LRP12: variants seen among roughly 807,000 people sequenced by gnomAD.
The protein encoded by LRP12 is LDL receptor related protein 12.
Under a neutral mutation model 66.0 loss-of-function variants are expected in LRP12, and 14 were observed. The ratio of observed to expected loss-of-function variants is 0.21; its 90% CI spans 0.14 to 0.33. The LOEUF is 0.33. LRP12 is among the 10% of genes least tolerant of loss of function. The pLI, the probability that LRP12 is intolerant of heterozygous loss-of-function variation, is 1.00. For synonymous variants in LRP12, 357 were observed against 359.1 expected, an observed-to-expected ratio of 0.99 and a Z score of 0.07; for missense variants, 889 against 1,053.4, an observed-to-expected ratio of 0.84 and a Z score of 2.16.
rs544858622 is a variant in LRP12, at chr8:104,532,696, C to T, written c.80-733G>A. On this transcript the variant is annotated intron_variant, in intron 1 of 6. Transcript: ENST00000276654. ...AGAAGGCAAAAGCAGAATTTTCTTT[C>T]ATGGTTGAGAGTGGAGAAAATAGCA... is the stretch of plus-strand genomic sequence containing the variant. Among the ~76,000 whole-genome samples, 26 of 152,220 alleles carry T rather than the reference C, an allele frequency of 1.7e-4. No individual in the cohort carries two copies. In the East Asian group the frequency reaches 4.4e-3, roughly 26 times the overall value.
At position 104,529,271 on chromosome 8, in the gene LRP12, G is replaced by T. The variant is rs1423874105; in HGVS notation, c.136+2636C>A. ...CACCCATTTATAAGCCAAAGAAAAAGAACTCAGAAGAAACCAACCCTGCTG... is the reference window on the plus strand; with the variant it reads ...CACCCATTTATAAGCCAAAGAAAAATAACTCAGAAGAAACCAACCCTGCTG... On this transcript the variant is annotated intron_variant, in intron 2 of 6. Transcript: ENST00000276654. Among the ~76,000 whole-genome samples the T allele has an allele frequency of 4.6e-5, 7 of 152,138 alleles. No homozygotes were observed. In the South Asian group the frequency reaches 1.2e-3, roughly 27 times the overall value.
At chr8:104,555,749 G>C (rs1027689377) in intron 1 of LRP12, among the ~76,000 whole-genome samples, 1 of 151,988 alleles carries the variant, frequency 6.6e-6, no homozygotes, top group African/African-American at 2.4e-5. Flanking sequence ...CACTAGATAG[G>C]TCATCAAGAC....
In LRP12 at chr8:104,490,614, C is replaced by A; in HGVS notation, c.*59G>T. On this transcript the variant is annotated 3_prime_UTR_variant, in exon 7 of 7. Coordinates refer to ENST00000276654, the MANE Select transcript of LRP12 (RefSeq NM_013437.5). ...TAAAACTAGTTTAACTGTAAAGTTA[C>A]AAAATAATAAATGGATATTGCTCCA... 7.9e-6 allele frequency: 12 copies of A among 1,509,962 alleles called. No homozygotes were observed. The highest frequency in any genetic ancestry group is 1.1e-5 in the Non-Finnish European group (12 of 1,130,130). The allele number at this position is 1,509,962 out of a possible 1,614,324, so 93.5% of individuals were successfully genotyped here.
In LRP12 at chr8:104,497,584, T is replaced by C; in HGVS notation, c.968A>G (p.Glu323Gly). 6.2e-7 allele frequency: 1 copy of C among 1,613,492 alleles called. No homozygotes were observed. Among genetic ancestry groups the C allele is most frequent in the Non-Finnish European group, 8.5e-7 (1 of 1,179,738 alleles). Residue 323 changes from glutamate (E) to glycine (G), a missense_variant, in exon 5 of 7, where the codon GAG becomes GGG. Glu to Gly is a moderately conservative substitution (Grantham distance 98, BLOSUM62 -2). Around this residue, in one of 3 missense-constraint regions of LRP12, gnomAD observed 800 missense variants for 964.5 expected, o/e 0.83. Transcript: ENST00000276654. This position sits in a 1 kb window ranked among gnomAD's most constrained non-coding sequence, Gnocchi z 4.3. The stretch of plus-strand genomic sequence containing the variant: ...CACACGCAAAAGCTTGTGTGGATTC[T>C]CCTCTAATCCATCATATATTTTGAC... ...DYVKIYDGLE[E>G]NPHKLLRVLT...
intron 5 of LRP12, chr8:104,495,561 T>A (rs1810710342): frequency 6.1e-6 from 1 of 163,844 alleles, no homozygotes; most frequent in South Asian, 1.9e-4. Flanking sequence ...CCAGCTGGGA[T>A]CTTTGACTCT....
chr8:104,504,620 T>C (rs1056743892), intron 3 of LRP12: 12 of 152,226 alleles, frequency 7.9e-5, no homozygotes, highest in South Asian at 6.2e-4. Context: ...TTTAATTGCA[T>C]TGTGGTAAGA....
intron 1 of LRP12, among the ~76,000 whole-genome samples, chr8:104,581,723 G>A (rs1812251572): frequency 6.6e-6 from 1 of 152,062 alleles, no homozygotes; most frequent in South Asian, 2.1e-4. Context: ...ACTAGTTGGT[G>A]GCTGTTACAA....
chr8:104,491,251 A>T lies in LRP12; in HGVS notation c.2002T>A (p.Ser668Thr). 1.2e-6 allele frequency: 2 copies of T among 1,613,974 alleles called. No individual in the cohort carries two copies. Among genetic ancestry groups the T allele is most frequent in the Non-Finnish European group, 1.7e-6 (2 of 1,179,990 alleles). Residue 668 changes from serine to threonine, a missense_variant, in exon 7 of 7, where the codon TCT becomes ACT. Physicochemically the swap from Ser to Thr is moderately conservative, Grantham distance 58. Around this residue, in one of 3 missense-constraint regions of LRP12, gnomAD observed 800 missense variants for 964.5 expected, o/e 0.83. Coordinates refer to ENST00000276654, the MANE Select transcript of LRP12 (RefSeq NM_013437.5). The stretch of plus-strand genomic sequence containing the variant: ...GGCAAAGGAGCTGCAACCCCACCAG[A>T]TGCTCCTGCCATATCTCTTCTCTCA... The part of the protein sequence containing the change: ...ENERRDMAGA[S>T]GGVAAPLPQK...
At chr8:104,532,475 T>C (rs1811339199) in intron 1 of LRP12, among the ~76,000 whole-genome samples, 1 of 152,144 alleles carries the variant, frequency 6.6e-6, no homozygotes. Flanking sequence ...ATTGCGAATA[T>C]TTACTCCCTC....
At chr8:104,548,183 AATAT>A (rs1488264048) in intron 1 of LRP12, among the ~76,000 whole-genome samples, 2 of 95,590 alleles carry the variant, frequency 2.1e-5, no homozygotes, top group South Asian at 5.7e-4. Context: ...TATAATATAT[AATAT>A]ATATATAAAT....
intron 1 of LRP12, among the ~76,000 whole-genome samples, chr8:104,537,838 T>A (rs1811412056): frequency 1.3e-5 from 2 of 152,196 alleles, no homozygotes; most frequent in South Asian, 4.1e-4. Flanking sequence ...TCTGTACGAT[T>A]CTATTCTGTT....
chr8:104,575,655 A>T (rs2140897209), intron 1 of LRP12, among the ~76,000 whole-genome samples: 1 of 152,312 alleles, frequency 6.6e-6, no homozygotes, highest in South Asian at 2.1e-4. Context: ...TGAGGGTAGC[A>T]GGCCCACAAG....
intron 3 of LRP12, chr8:104,506,998 T>A (rs192137993): frequency 6.6e-6 from 1 of 152,278 alleles, no homozygotes; most frequent in East Asian, 1.9e-4. Context: ...CTTCAAAGCA[T>A]CTGTGTACAC....
chr8:104,553,467 G>T (rs1419583801), intron 1 of LRP12, among the ~76,000 whole-genome samples: 1 of 152,122 alleles, frequency 6.6e-6, no homozygotes, highest in Non-Finnish European at 1.5e-5. Flanking sequence ...TGTCATTGCT[G>T]GCTTTCCCCC....
chr8:104,524,943 G>C (rs1447758486), intron 2 of LRP12, among the ~76,000 whole-genome samples: 1 of 152,084 alleles, frequency 6.6e-6, no homozygotes, highest in Non-Finnish European at 1.5e-5. Flanking sequence ...TTTGTTTAAT[G>C]TGTACAAGGG....
At chr8:104,563,658 T>C (rs1411665717) in intron 1 of LRP12, among the ~76,000 whole-genome samples, 7 of 152,090 alleles carry the variant, frequency 4.6e-5, no homozygotes, top group Non-Finnish European at 8.8e-5. Flanking sequence ...GAGGGCTCTG[T>C]CCTCAAGAAT....
At chr8:104,548,669 A>AATTAATTATATAATTAT (rs1564142541) in intron 1 of LRP12, among the ~76,000 whole-genome samples, 18 of 143,186 alleles carry the variant, frequency 1.3e-4, no homozygotes, top group East Asian at 4.0e-4. Context: ...TATATAATTA[A>AATTAATTATATAATTAT]TATGGGTGCA....
intron 3 of LRP12, among the ~76,000 whole-genome samples, chr8:104,501,634 G>A (rs1180800640): frequency 1.3e-5 from 2 of 151,754 alleles, no homozygotes; most frequent in Non-Finnish European, 2.9e-5. Context: ...AACTTGGGAG[G>A]TGGAGGTTGT....
Position 104,508,252 on chromosome 8 carries a change from T to C in LRP12, c.272+687A>G, listed in dbSNP as rs534848910. ...AAGCAGTATCTAGTTCTACTAAATA[T>C]ATTCTTTACAATCTTATTCCCGTAC... On this transcript the variant is annotated intron_variant, in intron 3 of 6. Coordinates refer to ENST00000276654, the MANE Select transcript of LRP12 (RefSeq NM_013437.5). The C allele has an allele frequency of 4.6e-5, 7 of 152,334 alleles. No homozygotes were observed. In the South Asian group the frequency reaches 6.2e-4, roughly 14 times the overall value. The allele number at this position is 152,334 out of a possible 1,614,324, so 9.4% of individuals were successfully genotyped here.
Sources: allele counts gnomAD v4.1 joint callset (sites outside exome capture counted in the v4.1 genomes callset), GRCh38; gene constraint gnomAD v4.1.1; regional missense constraint gnomAD v4.1.1; non-coding constraint Gnocchi (gnomAD v3.1); transcripts MANE v1.5; gene names NCBI Gene and HGNC (gene_info 2026-07-23, HGNC 2026-07-21).